Variants in ITGB2 observed in about 807,000 individuals in gnomAD.
The protein encoded by ITGB2 is integrin subunit beta 2.
ITGB2 carries 56 observed loss-of-function variants against 86.8 expected under a neutral mutation model. That is an observed-to-expected ratio of 0.65 (90% CI 0.52 to 0.81). The LOEUF is 0.81. ITGB2 is among the 30% of genes least tolerant of loss of function. The pLI is 0.00. For missense variants in ITGB2, 948 were observed against 1,061.2 expected (o/e 0.89, Z 1.48); for synonymous variants, 457 against 450.4 (o/e 1.01, Z -0.19).
chr21:44,896,339 C>T (rs937735153), intron 8 of ITGB2, among the ~76,000 whole-genome samples: 4 of 152,254 alleles, frequency 2.6e-5, no homozygotes, highest in Admixed American at 1.3e-4. Context: ...TGGCACTCTA[C>T]TGAGTTTCCA....
Position 44,900,443 on chromosome 21 carries a change from C to T in ITGB2, c.774G>A (p.Leu258=), listed in dbSNP as rs1193419847. The T allele has an allele frequency of 3.1e-6, 5 of 1,613,898 alleles. No individual in the cohort carries two copies. The highest frequency in any genetic ancestry group is 3.4e-6 in the Non-Finnish European group (4 of 1,179,950). The stretch of plus-strand genomic sequence containing the variant: ...AGCCGTCATCAGTGGCAAACACCAG[C>T]AGCCGCGTGACGTTGCGCCAGCCGA... ...EEIGWRNVTR[L]LVFATDDGFH... Residue 258 remains leucine, a synonymous_variant, in exon 7 of 16, where the codon CTG becomes CTA. Coordinates refer to ENST00000652462, the MANE Select transcript of ITGB2 (RefSeq NM_000211.5).
At chr21:44,918,291 C>A (rs900086012) in intron 1 of ITGB2, among the ~76,000 whole-genome samples, 2 of 152,244 alleles carry the variant, frequency 1.3e-5, no homozygotes. Flanking sequence ...ACGAGTGCAG[C>A]AAGGGGGGCC....
At chr21:44,913,796 CCTAT>C (rs2084165755) in intron 1 of ITGB2, among the ~76,000 whole-genome samples, 2 of 152,200 alleles carry the variant, frequency 1.3e-5, no homozygotes, top group African/African-American at 2.4e-5. Context: ...CCCCATCAGG[CCTAT>C]CTGCCTCAGT....
intron 8 of ITGB2, among the ~76,000 whole-genome samples, chr21:44,896,366 C>T (rs1354350090): frequency 3.3e-5 from 5 of 152,200 alleles, no homozygotes; most frequent in Non-Finnish European, 5.9e-5. Context: ...TTAAACAGCC[C>T]GGTGACATCG....
intron 8 of ITGB2, among the ~76,000 whole-genome samples, chr21:44,896,028 G>A (rs1053522151): frequency 2.6e-5 from 4 of 151,554 alleles, no homozygotes; most frequent in South Asian, 2.1e-4. Flanking sequence ...GAGTGATCCC[G>A]CCTGCGGTGT....
At chr21:44,917,356 T>C (rs56056043) in intron 1 of ITGB2, among the ~76,000 whole-genome samples, 19,050 of 152,290 alleles carry the variant, frequency 0.13, 1,294 homozygotes, top group Middle Eastern at 0.24. Context: ...TTTCTCTGGG[T>C]GGTGGCACTA....
chr21:44,909,166 A>G (rs1438085220), intron 3 of ITGB2, among the ~76,000 whole-genome samples: 1 of 152,184 alleles, frequency 6.6e-6, no homozygotes, highest in Non-Finnish European at 1.5e-5. Flanking sequence ...TCACCAGCCC[A>G]CAGTGGCTGC....
chr21:44,887,998 C>G (rs1194785490), intron 14 of ITGB2, among the ~76,000 whole-genome samples: 1 of 152,228 alleles, frequency 6.6e-6, no homozygotes, highest in Non-Finnish European at 1.5e-5. Context: ...CTCTCAGGAG[C>G]CTGTGGAACA....
At chr21:44,886,594 C>T (rs1482065474) in intron 15 of ITGB2, 142 bp downstream of exon 15, 41 of 1,413,624 alleles carry the variant, frequency 2.9e-5, no homozygotes, top group South Asian at 1.4e-4. Flanking sequence ...TCACCCACAG[C>T]GGCGGACGCC....
intron 10 of ITGB2, chr21:44,893,037 G>C (rs902972783): frequency 3.1e-6 from 1 of 320,332 alleles, no homozygotes; most frequent in Non-Finnish European, 6.2e-6. Context: ...AGGTTGATGA[G>C]TAGGACTCTT....
intron 11 of ITGB2, among the ~76,000 whole-genome samples, chr21:44,890,709 G>A (rs374139653): frequency 2.6e-5 from 4 of 152,298 alleles, no homozygotes; most frequent in South Asian, 2.1e-4. Context: ...GCATCAAGCC[G>A]CTGGCAGGCA....
rs142381225 is a variant in ITGB2, at chr21:44,900,410, G to A, written c.807C>T (p.Phe269=). The A allele has an allele frequency of 4.3e-4, 689 of 1,614,062 alleles. 5 individuals are homozygous for A. The African/African-American group carries it at 7.4e-3, about 17-fold the overall frequency. The stretch of plus-strand genomic sequence containing the variant: ...TGGCGCCCAGCTTCCCGTCGCCCGC[G>A]AAATGGAAGCCGTCATCAGTGGCAA... ...LVFATDDGFH[F]AGDGKLGAIL... The change falls in exon 7 of 16, where the codon TTC becomes TTT. Residue 269 remains phenylalanine, a synonymous_variant. Transcript: ENST00000652462.
chr21:44,907,682 G>A (rs763061305), intron 3 of ITGB2, among the ~76,000 whole-genome samples: 2 of 152,230 alleles, frequency 1.3e-5, no homozygotes, highest in Non-Finnish European at 2.9e-5. Flanking sequence ...CACTGGCCCC[G>A]AGCCTGCTGC....
At chr21:44,886,943 A>G (rs1281818067) in intron 14 of ITGB2, 41 bp from the exon 15 acceptor site, 1 of 1,607,260 alleles carries the variant, frequency 6.2e-7, no homozygotes, top group South Asian at 1.1e-5. Context: ...GTCCAGCCCC[A>G]TCTCACTGAG....
Position 44,901,740 on chromosome 21 carries a change from G to T in ITGB2, c.500-7C>A. On this transcript the variant is annotated splice_region_variant and splice_polypyrimidine_tract_variant and intron_variant, in intron 5 of 15. Coordinates refer to ENST00000652462, the MANE Select transcript of ITGB2 (RefSeq NM_000211.5). ...TCCACGAAGGACCCGAAGCCTGCAGGGCACATGGAGGGGCTGGGGAGGTGG... is the reference window on the plus strand; with the variant it reads ...TCCACGAAGGACCCGAAGCCTGCAGTGCACATGGAGGGGCTGGGGAGGTGG... 3 of 1,606,042 alleles carry T rather than the reference G, an allele frequency of 1.9e-6. No homozygotes were observed. Among genetic ancestry groups the T allele is most frequent in the Non-Finnish European group, 2.6e-6 (3 of 1,173,480 alleles).
chr21:44,914,970 C>T (rs1176026528), intron 1 of ITGB2, among the ~76,000 whole-genome samples: 1 of 152,046 alleles, frequency 6.6e-6, no homozygotes, highest in Non-Finnish European at 1.5e-5. Flanking sequence ...AAACTTTAAG[C>T]AAGACAGCAG....
chr21:44,904,878 A>T (rs971816096), intron 4 of ITGB2, among the ~76,000 whole-genome samples: 3 of 151,812 alleles, frequency 2.0e-5, no homozygotes, highest in African/African-American at 7.3e-5. Flanking sequence ...ACACACACTC[A>T]CCCACATTCA....
chr21:44,900,573 G>C lies in ITGB2; in HGVS notation c.742-98C>G, dbSNP rs36082126. On this transcript the variant is annotated intron_variant, in intron 6 of 15. Transcript: ENST00000652462. The stretch of plus-strand genomic sequence containing the variant: ...CGATGCAGAGCTGGTGGGGTGGCCC[G>C]GAGGCTGGTGTGGGTCCCCCTTTCC... 21 of 1,475,666 alleles carry C rather than the reference G, an allele frequency of 1.4e-5. No homozygotes were observed. The African/African-American group carries it at 2.8e-4, about 19-fold the overall frequency. The allele number at this position is 1,475,666 out of a possible 1,614,324, so 91.4% of individuals were successfully genotyped here.
chr21:44,891,712 G>A (rs2146503915), intron 11 of ITGB2, 97 bp downstream of exon 11: 4 of 1,378,024 alleles, frequency 2.9e-6, no homozygotes, highest in Non-Finnish European at 4.0e-6. Flanking sequence ...TGGGGTGGGG[G>A]AAGGGATGGA....
Sources: allele counts gnomAD v4.1 joint callset (sites outside exome capture counted in the v4.1 genomes callset), GRCh38; gene constraint gnomAD v4.1.1; transcripts MANE v1.5; gene names NCBI Gene and HGNC (gene_info 2026-07-23, HGNC 2026-07-21).